The following ARHGAP6 variants were observed in gnomAD, a reference collection of about 807,000 sequenced individuals.
ARHGAP6 encodes Rho GTPase activating protein 6.
A neutral mutation model predicts 55.7 loss-of-function variants in ARHGAP6; 16 were observed. The observed-to-expected ratio is 0.29, with a 90% CI of 0.19 to 0.44. The LOEUF (loss-of-function observed/expected upper bound fraction) is 0.44, where lower values mean the gene tolerates loss of function less well. Ranked by LOEUF, ARHGAP6 falls within the 20% of genes least tolerant of loss-of-function variation. The probability of loss-of-function intolerance (pLI) is 1.00; values close to 1 mark genes in which losing one functional copy is unlikely to be tolerated. For synonymous variants in ARHGAP6, 382 were observed against 360.9 expected (o/e 1.06, Z -0.66); for missense variants, 698 against 808.9 (o/e 0.86, Z 1.66).
intron 1 of ARHGAP6, among the ~76,000 whole-genome samples, chrX:11,312,204 C>T (rs1427188340): frequency 1.8e-5 from 2 of 111,986 alleles, no homozygotes; most frequent in Non-Finnish European, 3.8e-5. Context: ...ACAACACAAA[C>T]TTCAGATTAA....
chrX:11,141,715 G>A lies in ARHGAP6; in HGVS notation c.2257+518C>T, dbSNP rs1400803841. Among the ~76,000 whole-genome samples, 4 of 112,447 alleles carry A rather than the reference G, an allele frequency of 3.6e-5. No individual in the cohort carries two copies. The Admixed American group carries it at 3.8e-4, about 11-fold the overall frequency. On this transcript the variant is annotated intron_variant, in intron 12 of 12. Coordinates refer to ENST00000337414, the MANE Select transcript of ARHGAP6 (RefSeq NM_013427.3). ...GTCCCATACAGCACAGGAGGTGACTGTACCTCCAGATTCTTGGAAAGCCTT... is the reference window on the plus strand; with the variant it reads ...GTCCCATACAGCACAGGAGGTGACTATACCTCCAGATTCTTGGAAAGCCTT...
chrX:11,185,526 C>T (rs1040252594), intron 5 of ARHGAP6, among the ~76,000 whole-genome samples: 17 of 111,748 alleles, frequency 1.5e-4, no homozygotes, highest in Admixed American at 4.8e-4. Context: ...ATTATTTTTA[C>T]AGTTAAAAAA....
chrX:11,147,146 C>G (rs1446147687), intron 10 of ARHGAP6, among the ~76,000 whole-genome samples: 1 of 112,064 alleles, frequency 8.9e-6, no homozygotes, highest in Admixed American at 9.4e-5. Context: ...CCAACACACA[C>G]GCACATACAT....
At chrX:11,534,588 C>T (rs1244471417) in intron 1 of ARHGAP6, among the ~76,000 whole-genome samples, 1 of 109,865 alleles carries the variant, frequency 9.1e-6, no homozygotes, top group Non-Finnish European at 1.9e-5. Flanking sequence ...GGGGCAAAAT[C>T]ATCCCCCTTT....
intron 1 of ARHGAP6, among the ~76,000 whole-genome samples, chrX:11,508,882 T>C (rs751642288): frequency 1.4e-4 from 14 of 100,907 alleles, no homozygotes; most frequent in African/African-American, 4.0e-4. Flanking sequence ...CACACACACA[T>C]ATCACGCATC....
chrX:11,417,996 GTCAGACTAAA>G (rs1404762520), intron 1 of ARHGAP6, among the ~76,000 whole-genome samples: 1 of 112,159 alleles, frequency 8.9e-6, no homozygotes, highest in Non-Finnish European at 1.9e-5. Context: ...ATTACTCTAA[GTCAGACTAAA>G]TATTTCTGAG....
Position 11,304,777 on chromosome X carries a change from C to CTTTTTTTTTTTTTTTTT in ARHGAP6, c.589-50087_589-50071dup, listed in dbSNP as rs953912280. ...AAGGATTTCATTTTTCTTTCTTTTA[C>CTTTTTTTTTTTTTTTTT]TTTTTTTTTTTTTTTTTTTTTTTTT... is the stretch of plus-strand genomic sequence containing the variant. On this transcript the variant is annotated intron_variant, in intron 1 of 12. Transcript: ENST00000337414. Among the ~76,000 whole-genome samples the CTTTTTTTTTTTTTTTTT allele has an allele frequency of 6.0e-4, 30 of 50,310 alleles. 1 individual carries two copies. Among genetic ancestry groups the CTTTTTTTTTTTTTTTTT allele is most frequent in the Non-Finnish European group, 7.0e-4 (19 of 27,115 alleles). 43.7% of individuals were successfully genotyped at this position (50,310 alleles called of 115,157 possible).
intron 1 of ARHGAP6, among the ~76,000 whole-genome samples, chrX:11,618,029 A>G (rs1414976260): frequency 8.9e-6 from 1 of 111,798 alleles, no homozygotes; most frequent in Non-Finnish European, 1.9e-5. Flanking sequence ...AGAGGGAGGC[A>G]GGAGAGCAAG....
intron 1 of ARHGAP6, among the ~76,000 whole-genome samples, chrX:11,491,319 C>T (rs777355686): frequency 2.7e-5 from 3 of 111,045 alleles, no homozygotes; most frequent in East Asian, 2.8e-4. Flanking sequence ...CCCATTAACC[C>T]GTCATTTAGC....
chrX:11,187,499 G>A (rs1288049669), intron 4 of ARHGAP6, among the ~76,000 whole-genome samples: 1 of 112,098 alleles, frequency 8.9e-6, no homozygotes, highest in African/African-American at 3.2e-5. Flanking sequence ...GAGACACAAT[G>A]ACAGAATTAG....
chrX:11,642,693 A>G (rs967329932), intron 1 of ARHGAP6, among the ~76,000 whole-genome samples: 1 of 111,847 alleles, frequency 8.9e-6, no homozygotes, highest in Admixed American at 9.5e-5. Context: ...AACTAGACAC[A>G]AAAGGTCACA....
At chrX:11,496,241 G>C (rs1418249395) in intron 1 of ARHGAP6, among the ~76,000 whole-genome samples, 1 of 112,519 alleles carries the variant, frequency 8.9e-6, no homozygotes, top group African/African-American at 3.2e-5. Flanking sequence ...ATGCTTATGT[G>C]AGATAAAAAA....
At chrX:11,453,475 G>A (rs1449278968) in intron 1 of ARHGAP6, among the ~76,000 whole-genome samples, 2 of 108,802 alleles carry the variant, frequency 1.8e-5, no homozygotes, top group African/African-American at 6.7e-5. Context: ...GCACTTGAAA[G>A]AGGTACAAAT....
chrX:11,645,321 A>AT (rs1217907123), intron 1 of ARHGAP6, among the ~76,000 whole-genome samples: 3 of 110,466 alleles, frequency 2.7e-5, no homozygotes, highest in Admixed American at 9.6e-5. Context: ...AAAAAAAATC[A>AT]TTTTTTTTGC....
intron 2 of ARHGAP6, among the ~76,000 whole-genome samples, chrX:11,253,067 A>T (rs1323843696): frequency 2.7e-5 from 3 of 111,678 alleles, no homozygotes; most frequent in South Asian, 7.6e-4. Context: ...GTATGTGTGT[A>T]CAGCAAGGTA....
intron 1 of ARHGAP6, among the ~76,000 whole-genome samples, chrX:11,518,202 A>G (rs944967344): frequency 1.8e-5 from 2 of 110,012 alleles, no homozygotes; most frequent in African/African-American, 6.6e-5. Context: ...GTGCAGTGGT[A>G]TGATTATAGC....
intron 1 of ARHGAP6, among the ~76,000 whole-genome samples, chrX:11,510,456 C>G (rs868001384): frequency 9.0e-6 from 1 of 111,074 alleles, no homozygotes; most frequent in Admixed American, 9.6e-5. Flanking sequence ...ACATGGTAGC[C>G]AGCTTGAGGC....
chrX:11,412,179 GAGA>G (rs2049696622), intron 1 of ARHGAP6, among the ~76,000 whole-genome samples: 1 of 111,547 alleles, frequency 9.0e-6, no homozygotes, highest in South Asian at 3.8e-4. Context: ...TCCCCCAAAT[GAGA>G]AGTTTCTCCA....
At chrX:11,552,829 G>A (rs1408722139) in intron 1 of ARHGAP6, among the ~76,000 whole-genome samples, 2 of 107,401 alleles carry the variant, frequency 1.9e-5, no homozygotes, top group African/African-American at 6.8e-5. Flanking sequence ...TGGAGATGGA[G>A]AGGGAGGATT....
Sources: gnomAD v4.1 joint callset for allele counts (sites outside exome capture counted in the v4.1 genomes callset) on GRCh38, gnomAD v4.1.1 for gene constraint, MANE v1.5 for transcripts, NCBI Gene and HGNC (gene_info 2026-07-23, HGNC 2026-07-21) for gene names.